PDE4D: variants seen among roughly 807,000 people sequenced by gnomAD.
The protein encoded by PDE4D is phosphodiesterase 4D, also known as 3',5'-cyclic-AMP phosphodiesterase 4D.
Under a neutral mutation model 87.4 loss-of-function variants are expected in PDE4D, and 24 were observed. That is an observed-to-expected ratio of 0.27 (90% CI 0.20 to 0.39). The LOEUF (loss-of-function observed/expected upper bound fraction) is 0.39. PDE4D is among the 10% of genes least tolerant of loss of function. The probability of loss-of-function intolerance (pLI) is 1.00; values close to 1 mark genes in which losing one functional copy is unlikely to be tolerated. For missense variants in PDE4D, 714 were observed against 1,041.0 expected (o/e 0.69, Z 4.32); for synonymous variants, 384 against 383.2 (o/e 1.00, Z -0.02).
At chr5:59,838,502 A>G (rs906232373) in intron 1 of PDE4D, among the ~76,000 whole-genome samples, 10 of 152,046 alleles carry the variant, frequency 6.6e-5, no homozygotes, top group Admixed American at 6.6e-4. Context: ...CACACCTCCA[A>G]GGAGGGAGGC....
intron 3 of PDE4D, among the ~76,000 whole-genome samples, chr5:59,971,969 T>C (rs1211007683): frequency 6.6e-6 from 1 of 152,134 alleles, no homozygotes; most frequent in Non-Finnish European, 1.5e-5. Context: ...GTGAAGATAA[T>C]AAGCAGCTGG....
At chr5:60,323,149 T>C (rs1756466894) in intron 1 of PDE4D, among the ~76,000 whole-genome samples, 1 of 152,208 alleles carries the variant, frequency 6.6e-6, no homozygotes, top group Non-Finnish European at 1.5e-5. Context: ...ATGGCCATGA[T>C]GTCATGTACC....
intron 1 of PDE4D, among the ~76,000 whole-genome samples, chr5:60,453,274 C>T (rs1341843288): frequency 6.6e-6 from 1 of 152,034 alleles, no homozygotes; most frequent in East Asian, 1.9e-4. Flanking sequence ...TAGTCGCAAA[C>T]CTGGGAATTA....
intron 2 of PDE4D, among the ~76,000 whole-genome samples, chr5:60,135,132 G>A (rs1440882320): frequency 1.3e-5 from 2 of 152,178 alleles, no homozygotes; most frequent in Non-Finnish European, 2.9e-5. Context: ...CACTTGAGAT[G>A]TCATTAGTGG....
intron 1 of PDE4D, chr5:59,561,022 T>C (rs1343915545): frequency 6.6e-6 from 1 of 152,232 alleles, no homozygotes; most frequent in Non-Finnish European, 1.5e-5. Context: ...TTCACCAATT[T>C]CCAGTTTTCT....
intron 1 of PDE4D, among the ~76,000 whole-genome samples, chr5:59,540,886 G>A (rs1414539885): frequency 1.3e-5 from 2 of 152,088 alleles, no homozygotes; most frequent in Non-Finnish European, 2.9e-5. Context: ...GCTGAGAAGA[G>A]CAAGTTAAAA....
intron 3 of PDE4D, among the ~76,000 whole-genome samples, chr5:59,909,932 C>T (rs560177102): frequency 1.3e-5 from 2 of 152,084 alleles, no homozygotes; most frequent in Non-Finnish European, 2.9e-5. Context: ...AGATGACAAA[C>T]GAATTCCTAG....
intron 1 of PDE4D, among the ~76,000 whole-genome samples, chr5:59,278,676 C>A (rs1351827518): frequency 2.6e-5 from 4 of 151,940 alleles, no homozygotes; most frequent in Non-Finnish European, 5.9e-5. Context: ...TTTAAAAAAA[C>A]TTAAACTGAA....
intron 1 of PDE4D, among the ~76,000 whole-genome samples, chr5:59,474,907 C>G (rs944430993): frequency 3.3e-5 from 5 of 151,968 alleles, no homozygotes; most frequent in Non-Finnish European, 7.4e-5. Context: ...ACTGTAGGAA[C>G]AGTGTTGGTT....
intron 2 of PDE4D, among the ~76,000 whole-genome samples, chr5:60,106,478 G>C (rs1776934374): frequency 6.6e-6 from 1 of 151,906 alleles, no homozygotes; most frequent in Admixed American, 6.6e-5. Flanking sequence ...GGATACCCAG[G>C]AATTGAACTC....
At chr5:60,124,689 C>T (rs1391322577) in intron 2 of PDE4D, among the ~76,000 whole-genome samples, 1 of 152,088 alleles carries the variant, frequency 6.6e-6, no homozygotes, top group African/African-American at 2.4e-5. Flanking sequence ...TACTATATAT[C>T]TTATTTCTCT....
At chr5:60,170,871 G>A (rs1783366303) in intron 2 of PDE4D, among the ~76,000 whole-genome samples, 1 of 151,924 alleles carries the variant, frequency 6.6e-6, no homozygotes. Flanking sequence ...TTTTAAAGAG[G>A]AGAAAAAGCT....
intron 3 of PDE4D, among the ~76,000 whole-genome samples, chr5:59,191,651 C>T (rs1205012435): frequency 6.6e-6 from 1 of 152,064 alleles, no homozygotes; most frequent in Non-Finnish European, 1.5e-5. Context: ...TCACTGCAAC[C>T]TCCACCTCCC....
At chr5:59,695,012 C>T (rs1053169072) in intron 1 of PDE4D, among the ~76,000 whole-genome samples, 1 of 152,048 alleles carries the variant, frequency 6.6e-6, no homozygotes, top group African/African-American at 2.4e-5. Context: ...GTATTAAAGT[C>T]GGGACCCCCC....
At chr5:60,140,533 G>C (rs1170748626) in intron 2 of PDE4D, among the ~76,000 whole-genome samples, 1 of 137,658 alleles carries the variant, frequency 7.3e-6, no homozygotes, top group East Asian at 2.0e-4. Flanking sequence ...GAGAGAAAAG[G>C]AGGAAGGAAT....
At chr5:60,199,569 T>A (rs1741672195) in intron 1 of PDE4D, among the ~76,000 whole-genome samples, 1 of 151,778 alleles carries the variant, frequency 6.6e-6, no homozygotes, top group Admixed American at 6.6e-5. Context: ...TCTCAGGGCT[T>A]ATTAGTTCAA....
intron 1 of PDE4D, among the ~76,000 whole-genome samples, chr5:59,519,250 G>C (rs1403583835): frequency 6.6e-6 from 1 of 152,114 alleles, no homozygotes; most frequent in African/African-American, 2.4e-5. Context: ...TGCCCTTATA[G>C]AGCTTACATT....
At chr5:59,933,771 GAT>G (rs11442370) in intron 3 of PDE4D, among the ~76,000 whole-genome samples, 6,496 of 25,960 alleles carry the variant, frequency 0.25, 193 homozygotes, top group East Asian at 0.48. Flanking sequence ...TGTAAAAGGA[GAT>G]ATATATATAT....
intron 1 of PDE4D, among the ~76,000 whole-genome samples, chr5:60,442,730 T>A (rs1745338150): frequency 6.6e-6 from 1 of 151,732 alleles, no homozygotes; most frequent in African/African-American, 2.4e-5. Flanking sequence ...GAGAGAAGAA[T>A]CAGCAAACAA....
Sources: gnomAD v4.1 joint callset for allele counts (sites outside exome capture counted in the v4.1 genomes callset) on GRCh38, gnomAD v4.1.1 for gene constraint, MANE v1.5 for transcripts, NCBI Gene and HGNC (gene_info 2026-07-23, HGNC 2026-07-21) for gene names.